The following DXO variants were observed in gnomAD, a reference collection of about 807,000 sequenced individuals.
The protein encoded by DXO is decapping and exoribonuclease protein.
A neutral mutation model predicts 39.8 loss-of-function variants in DXO; 42 were observed. That is an observed-to-expected ratio of 1.06 (90% CI 0.83 to 1.37). The LOEUF (loss-of-function observed/expected upper bound fraction) is 1.37, where lower values mean the gene tolerates loss of function less well. Ranked by LOEUF, DXO falls within the 40% of genes most tolerant of loss-of-function variation. The pLI, the probability that DXO is intolerant of heterozygous loss-of-function variation, is 0.00. For missense variants in DXO, 495 were observed against 513.0 expected (o/e 0.96, Z 0.34); for synonymous variants, 193 against 200.4 (o/e 0.96, Z 0.31).
chr6:31,970,993 G>A lies in DXO; in HGVS notation c.511C>T (p.Arg171Trp), dbSNP rs781363686. The A allele has an allele frequency of 1.1e-5, 18 of 1,612,902 alleles. No homozygotes were observed. Among genetic ancestry groups the A allele is most frequent in the South Asian group, 3.3e-5 (3 of 91,086 alleles). The change falls in exon 3 of 7, where the codon CGG (arginine) becomes TGG (tryptophan). Residue 171 changes from arginine to tryptophan, a missense_variant. Transcript: ENST00000337523. This position sits in a 1 kb window ranked among gnomAD's most constrained non-coding sequence, Gnocchi z 4.0. ...YLSEVETPNARAQRLARPPLL... is the reference protein window; with the variant it reads ...YLSEVETPNAWAQRLARPPLL... Reference sequence around the variant, plus strand: ...GGTGGCCGAGCAAGCCTCTGGGCCCGAGCGTTCGGTGTCTCCACTTCACTC... The same window carrying A: ...GGTGGCCGAGCAAGCCTCTGGGCCCAAGCGTTCGGTGTCTCCACTTCACTC...
At position 31,971,459 on chromosome 6, in the gene DXO, G is replaced by A; in HGVS notation, c.217C>T (p.Pro73Ser). 1 of 1,613,958 alleles carries A rather than the reference G, an allele frequency of 6.2e-7. No individual in the cohort carries two copies. Among genetic ancestry groups the A allele is most frequent in the Non-Finnish European group, 8.5e-7 (1 of 1,179,832 alleles). Reference protein sequence around the residue: ...DARALRYYSPPPTNGPGPNFD... With the variant: ...DARALRYYSPSPTNGPGPNFD... ...TTGGGGCCTGGACCGTTAGTGGGGG[G>A]TGGGCTATAGTAGCGCAGGGCTCGG... Residue 73 changes from proline to serine, a missense_variant, in exon 2 of 7, where the codon CCC becomes TCC. Transcript: ENST00000337523. The surrounding 1 kb of genome is among the most constrained non-coding windows in gnomAD (Gnocchi z 4.5).
chr6:31,969,926 G>C lies in DXO; in HGVS notation c.1142C>G (p.Ala381Gly). 2 of 1,614,110 alleles carry C rather than the reference G, an allele frequency of 1.2e-6. No individual in the cohort carries two copies. The highest frequency in any genetic ancestry group is 1.7e-6 in the Non-Finnish European group (2 of 1,180,018). Residue 381 changes from alanine (A) to glycine (G), a missense_variant, in exon 7 of 7, where the codon GCT becomes GGT. Ala to Gly is a moderately conservative substitution (Grantham distance 60, BLOSUM62 0). Transcript: ENST00000337523. The surrounding 1 kb of genome is among the most constrained non-coding windows in gnomAD (Gnocchi z 6.1). ...GGGTGATGGGAGGTCCTGAGTCATA[G>C]CTTCCACATACCATATGGGCAGGAA... ...YAFLPIWYVE[A>G]MTQDLPSPPK...
Position 31,970,936 on chromosome 6 carries a change from T to A in DXO, c.568A>T (p.Lys190Ter), listed in dbSNP as rs745947009. The change falls in exon 3 of 7, where the codon AAA becomes TAA. Residue 190 changes from lysine (K) to a stop codon, truncating the protein, a stop_gained. Coordinates refer to ENST00000337523, the MANE Select transcript of DXO (RefSeq NM_005510.4). LOFTEE classifies it high-confidence loss of function. The surrounding 1 kb of genome is among the most constrained non-coding windows in gnomAD (Gnocchi z 4.0). ...LLRELMYMGY[K>*]FEQYMCADKP... ...CCTGCACACATGTACTGCTCAAATT[T>A]GTATCCCATGTACATAAGCTCCCGG... 1.9e-6 allele frequency: 3 copies of A among 1,612,788 alleles called. No homozygotes were observed. Among genetic ancestry groups the A allele is most frequent in the Non-Finnish European group, 8.5e-7 (1 of 1,179,860 alleles).
Position 31,971,371 on chromosome 6 carries a change from C to T in DXO, c.305G>A (p.Arg102Lys). 6.4e-7 allele frequency: 1 copy of T among 1,569,898 alleles called. No homozygotes were observed. The highest frequency in any genetic ancestry group is 2.2e-5 in the East Asian group (1 of 44,460). ...YQPRDEEVQERLDHLLCWLLE... is the reference protein window; with the variant it reads ...YQPRDEEVQEKLDHLLCWLLE... ...GAGCCAGCACAGCAGGTGGTCCAGC[C>T]TTTCCTGGACCTCCTCGTCCCGGGG... The change falls in exon 2 of 7, where the codon AGG (arginine) becomes AAG (lysine). Residue 102 changes from arginine (R) to lysine (K), a missense_variant. Physicochemically the swap from Arg to Lys is conservative, Grantham distance 26. Coordinates refer to ENST00000337523, the MANE Select transcript of DXO (RefSeq NM_005510.4). This position sits in a 1 kb window ranked among gnomAD's most constrained non-coding sequence, Gnocchi z 4.5.
Position 31,972,069 on chromosome 6 carries a change from G to T in DXO, c.-147C>A. 1.2e-6 allele frequency: 2 copies of T among 1,612,738 alleles called. No homozygotes were observed. The highest frequency in any genetic ancestry group is 1.7e-6 in the Non-Finnish European group (2 of 1,179,558). ...GTGGCGGGCAAACCCCTCCCGGGGC[G>T]GGGGAGGTGTGAGCTTCACGAAGGA... On this transcript the variant is annotated 5_prime_UTR_variant, in exon 1 of 7. Transcript: ENST00000337523. This position sits in a 1 kb window ranked among gnomAD's most constrained non-coding sequence, Gnocchi z 6.3.
rs746926348 is a variant in DXO, at chr6:31,970,037, T to G, written c.1044-13A>C. 2 of 1,613,912 alleles carry G rather than the reference T, an allele frequency of 1.2e-6. No individual in the cohort carries two copies. Among genetic ancestry groups the G allele is most frequent in the South Asian group, 2.2e-5 (2 of 91,080 alleles). On this transcript the variant is annotated splice_polypyrimidine_tract_variant and intron_variant, in intron 6 of 6. Coordinates refer to ENST00000337523, the MANE Select transcript of DXO (RefSeq NM_005510.4). This position sits in a 1 kb window ranked among gnomAD's most constrained non-coding sequence, Gnocchi z 4.0. Reference sequence around the variant, plus strand: ...GAGATGAACGAGCCTGGGGGGCAGATGGAGGCATCAGTTGAGGGCCAGAGG... The same window carrying G: ...GAGATGAACGAGCCTGGGGGGCAGAGGGAGGCATCAGTTGAGGGCCAGAGG...
chr6:31,971,175 G>A lies in DXO; in HGVS notation c.357-28C>T, dbSNP rs769478423. On this transcript the variant is annotated intron_variant, in intron 2 of 6. Transcript: ENST00000337523. This position sits in a 1 kb window ranked among gnomAD's most constrained non-coding sequence, Gnocchi z 4.5. ...GAGAGGCAGGAGTTACAGGCTGAAG[G>A]TCTGACACAAGCATTAGTGAGATGC... 6 of 1,606,670 alleles carry A rather than the reference G, an allele frequency of 3.7e-6. No homozygotes were observed. The highest frequency in any genetic ancestry group is 1.1e-5 in the South Asian group (1 of 90,878).
rs1314049504 is a variant in DXO at position 31,970,629 on chromosome 6, A to C, written c.789T>G (p.Pro263=). The change falls in exon 4 of 7, where the codon CCT becomes CCG. Residue 263 remains proline (P), a synonymous_variant. Coordinates refer to ENST00000337523, the MANE Select transcript of DXO (RefSeq NM_005510.4). This position sits in a 1 kb window ranked among gnomAD's most constrained non-coding sequence, Gnocchi z 4.0. ...ELKTSKEMHS[P]GQWRSFYRHK... ...ACCTGTAGAAACTCCTCCATTGGCCAGGGCTGTGCATCTCCTTGGAGGTCT... is the reference window on the plus strand; with the variant it reads ...ACCTGTAGAAACTCCTCCATTGGCCCGGGCTGTGCATCTCCTTGGAGGTCT... 2 of 1,613,226 alleles carry C rather than the reference A, an allele frequency of 1.2e-6. No individual in the cohort carries two copies. The highest frequency in any genetic ancestry group is 1.3e-5 in the African/African-American group (1 of 74,998).
At position 31,971,871 on chromosome 6, in the gene DXO, C is replaced by T; in HGVS notation, c.-7+58G>A. 2 of 1,439,290 alleles carry T rather than the reference C, an allele frequency of 1.4e-6. No homozygotes were observed. The highest frequency in any genetic ancestry group is 1.9e-6 in the Non-Finnish European group (2 of 1,079,914). The allele number at this position is 1,439,290 out of a possible 1,614,324, so 89.2% of individuals were successfully genotyped here. ...CCCTTCACCCACCCTCCCTCCAGGTCCTCCAAATGCAGTGAGGTTAGGAAG... is the reference window on the plus strand; with the variant it reads ...CCCTTCACCCACCCTCCCTCCAGGTTCTCCAAATGCAGTGAGGTTAGGAAG... On this transcript the variant is annotated intron_variant, in intron 1 of 6. Coordinates refer to ENST00000337523, the MANE Select transcript of DXO (RefSeq NM_005510.4). This position sits in a 1 kb window ranked among gnomAD's most constrained non-coding sequence, Gnocchi z 4.5.
Position 31,971,489 on chromosome 6 carries a change from C to A in DXO, c.187G>T (p.Asp63Tyr). ...CTATAGTAGCGCAGGGCTCGGGCAT[C>A]TCCATGGTACTGGCGTTGAGCATCC... ...SLDAQRQYHG[D>Y]ARALRYYSPP... The change falls in exon 2 of 7, where the codon GAT (aspartate) becomes TAT (tyrosine). Residue 63 changes from aspartate (D) to tyrosine (Y), a missense_variant. Transcript: ENST00000337523. The surrounding 1 kb of genome is among the most constrained non-coding windows in gnomAD (Gnocchi z 4.5). 1 of 1,614,154 alleles carries A rather than the reference C, an allele frequency of 6.2e-7. No individual in the cohort carries two copies. The highest frequency in any genetic ancestry group is 8.5e-7 in the Non-Finnish European group (1 of 1,180,024).
rs192273589 is a variant in DXO at position 31,969,900 on chromosome 6, G to T, written c.1168C>A (p.Pro390Thr). Residue 390 changes from proline to threonine, a missense_variant, in exon 7 of 7, where the codon CCC becomes ACC. Transcript: ENST00000337523. This position sits in a 1 kb window ranked among gnomAD's most constrained non-coding sequence, Gnocchi z 6.1. ...TACTATTTGGGAGAGGGAGTCTTGG[G>T]GGGTGATGGGAGGTCCTGAGTCATA... ...EAMTQDLPSP[P>T]KTPSPK The T allele has an allele frequency of 1.9e-6, 3 of 1,614,134 alleles. No individual in the cohort carries two copies. The highest frequency in any genetic ancestry group is 2.2e-5 in the South Asian group (2 of 91,074).
In DXO at chr6:31,971,814, G is replaced by C; in HGVS notation, c.-7+115C>G. ...ACATTCAGGCCCCTCAGACGCCACC[G>C]CGGCCAAGCTCTCATCCTGCCTCTT... On this transcript the variant is annotated intron_variant, in intron 1 of 6. Coordinates refer to ENST00000337523, the MANE Select transcript of DXO (RefSeq NM_005510.4). The surrounding 1 kb of genome is among the most constrained non-coding windows in gnomAD (Gnocchi z 4.5). 4 of 1,317,694 alleles carry C rather than the reference G, an allele frequency of 3.0e-6. No individual in the cohort carries two copies. Among genetic ancestry groups the C allele is most frequent in the South Asian group, 1.5e-5 (1 of 66,832 alleles). The allele number at this position is 1,317,694 out of a possible 1,614,324, so 81.6% of individuals were successfully genotyped here.
At position 31,970,595 on chromosome 6, in the gene DXO, C is replaced by T. The variant is rs574490845; in HGVS notation, c.812+11G>A. On this transcript the variant is annotated intron_variant, in intron 4 of 6. Coordinates refer to ENST00000337523, the MANE Select transcript of DXO (RefSeq NM_005510.4). The surrounding 1 kb of genome is among the most constrained non-coding windows in gnomAD (Gnocchi z 4.0). ...GCCTAAGCTCTCGCCCTGCCCACCC[C>T]GATCCTGAACCTGTAGAAACTCCTC... The T allele has an allele frequency of 1.2e-5, 20 of 1,612,880 alleles. No homozygotes were observed. The highest frequency in any genetic ancestry group is 5.3e-5 in the African/African-American group (4 of 74,982).
At position 31,970,915 on chromosome 6, in the gene DXO, C is replaced by A. The variant is rs1186320562; in HGVS notation, c.589G>T (p.Ala197Ser). Reference sequence around the variant, plus strand: ...CTATGAAGCAGGGGCAACTCACCTGCACACATGTACTGCTCAAATTTGTAT... The same window carrying A: ...CTATGAAGCAGGGGCAACTCACCTGAACACATGTACTGCTCAAATTTGTAT... ...MGYKFEQYMC[A>S]DKPGSSPDPS... Residue 197 changes from alanine to serine, a missense_variant, in exon 3 of 7, where the codon GCA becomes TCA. Transcript: ENST00000337523. The surrounding 1 kb of genome is among the most constrained non-coding windows in gnomAD (Gnocchi z 4.0). 6.2e-7 allele frequency: 1 copy of A among 1,610,802 alleles called. No individual in the cohort carries two copies. Among genetic ancestry groups the A allele is most frequent in the East Asian group, 2.2e-5 (1 of 44,820 alleles).
In DXO at chr6:31,970,952, A is replaced by G; in HGVS notation, c.552T>C (p.Leu184=). ...GCTCAAATTTGTATCCCATGTACAT[A>G]AGCTCCCGGAGGAGCGGTGGCCGAG... ...RLARPPLLRE[L]MYMGYKFEQY... is the part of the protein sequence containing the mutation. Residue 184 remains leucine (L), a synonymous_variant, in exon 3 of 7, where the codon CTT becomes CTC. Coordinates refer to ENST00000337523, the MANE Select transcript of DXO (RefSeq NM_005510.4). This position sits in a 1 kb window ranked among gnomAD's most constrained non-coding sequence, Gnocchi z 4.0. 1 of 1,613,002 alleles carries G rather than the reference A, an allele frequency of 6.2e-7. No homozygotes were observed. Among genetic ancestry groups the G allele is most frequent in the South Asian group, 1.1e-5 (1 of 91,076 alleles).
rs746498790 is a variant in DXO at position 31,971,975 on chromosome 6, C to A, written c.-53G>T. 1 of 1,585,946 alleles carries A rather than the reference C, an allele frequency of 6.3e-7. No individual in the cohort carries two copies. The highest frequency in any genetic ancestry group is 8.6e-7 in the Non-Finnish European group (1 of 1,161,824). On this transcript the variant is annotated 5_prime_UTR_variant, in exon 1 of 7. Coordinates refer to ENST00000337523, the MANE Select transcript of DXO (RefSeq NM_005510.4). This position sits in a 1 kb window ranked among gnomAD's most constrained non-coding sequence, Gnocchi z 4.5. ...CCTCCGCAGAGCTATGACGTCATGGCAGGCACGCCAGAGGCCGAAGGATGC... is the reference window on the plus strand; with the variant it reads ...CCTCCGCAGAGCTATGACGTCATGGAAGGCACGCCAGAGGCCGAAGGATGC...
At position 31,971,618 on chromosome 6, in the gene DXO, TC is replaced by T. The variant is rs767722945; in HGVS notation, c.57del (p.Asn20ThrfsTer109). 1 of 1,612,834 alleles carries T rather than the reference TC, an allele frequency of 6.2e-7. No homozygotes were observed. Among genetic ancestry groups the T allele is most frequent in the South Asian group, 1.1e-5 (1 of 91,072 alleles). On this transcript the variant is annotated frameshift_variant, in exon 2 of 7. Transcript: ENST00000337523. LOFTEE classifies it high-confidence loss of function. This position sits in a 1 kb window ranked among gnomAD's most constrained non-coding sequence, Gnocchi z 4.5. ...GAEKTEVAEP[R>X]NKLPRPAPSL... is the part of the protein sequence containing the mutation. The stretch of plus-strand genomic sequence containing the variant: ...GAAGGTGCTGGACGAGGTAGTTTGT[TC>T]CGAGGCTCAGCTACCTCTGTCTTCT...
Position 31,971,999 on chromosome 6 carries a change from G to A in DXO, c.-77C>T. 6.2e-7 allele frequency: 1 copy of A among 1,602,266 alleles called. No individual in the cohort carries two copies. The highest frequency in any genetic ancestry group is 1.3e-5 in the African/African-American group (1 of 74,876). On this transcript the variant is annotated 5_prime_UTR_variant, in exon 1 of 7. Coordinates refer to ENST00000337523, the MANE Select transcript of DXO (RefSeq NM_005510.4). The surrounding 1 kb of genome is among the most constrained non-coding windows in gnomAD (Gnocchi z 4.5). ...GCAGGCACGCCAGAGGCCGAAGGAT[G>A]CAAAAGTGGTTTTCTGCTTTCGATG...
rs1268464266 is a variant in DXO at position 31,970,384 on chromosome 6, G to A, written c.907C>T (p.Leu303Phe). 1.9e-6 allele frequency: 3 copies of A among 1,614,120 alleles called. No individual in the cohort carries two copies. In the South Asian group the frequency reaches 3.3e-5, roughly 18 times the overall value. The change falls in exon 5 of 7, where the codon CTC (leucine) becomes TTC (phenylalanine). Residue 303 changes from leucine (L) to phenylalanine (F), a missense_variant. Coordinates refer to ENST00000337523, the MANE Select transcript of DXO (RefSeq NM_005510.4). The surrounding 1 kb of genome is among the most constrained non-coding windows in gnomAD (Gnocchi z 4.0). ...FRNPDGFVSS[L>F]KTFPTMKMFE... ...ATCTTCATGGTAGGAAAGGTCTTGA[G>A]GGAAGAGACAAAACCGTCTGGGTTA...
Sources: gnomAD v4.1 joint callset for allele counts on GRCh38, gnomAD v4.1.1 for gene constraint, Gnocchi (gnomAD v3.1) non-coding constraint, MANE v1.5 for transcripts, NCBI Gene and HGNC (gene_info 2026-07-23, HGNC 2026-07-21) for gene names.